NUP210L: variants seen among roughly 807,000 people sequenced by gnomAD.
NUP210L encodes nuclear pore membrane glycoprotein 210-like.
Under a neutral mutation model 208.5 loss-of-function variants are expected in NUP210L, and 74 were observed. The ratio of observed to expected loss-of-function variants is 0.35; its 90% CI spans 0.29 to 0.43. The LOEUF (loss-of-function observed/expected upper bound fraction) is 0.43. Ranked by LOEUF, NUP210L falls within the 20% of genes least tolerant of loss-of-function variation. The probability of loss-of-function intolerance (pLI) is 1.00; values close to 1 mark genes in which losing one functional copy is unlikely to be tolerated. For synonymous variants in NUP210L, 780 were observed against 816.9 expected (o/e 0.95, Z 0.77); for missense variants, 1,843 against 2,289.4 (o/e 0.81, Z 3.98).
At chr1:154,040,961 T>C (rs1652842370) in intron 27 of NUP210L, among the ~76,000 whole-genome samples, 2 of 151,950 alleles carry the variant, frequency 1.3e-5, no homozygotes, top group Non-Finnish European at 1.5e-5. Context: ...GGAAGCAGTT[T>C]CCTTTTTGTG....
rs527549831 is a variant in NUP210L at position 154,060,525 on chromosome 1, GTC to G, written c.2850+13_2850+14del. The G allele has an allele frequency of 2.6e-4, 408 of 1,544,570 alleles. No homozygotes were observed. In the African/African-American group the frequency reaches 5.1e-3, roughly 19 times the overall value. On this transcript the variant is annotated intron_variant, in intron 20 of 39. Transcript: ENST00000368559. ...GGCCTGAGACCATCAATCTGGGACT[GTC>G]TCTAGAGCTCACCTCAACAGAGCTT...
chr1:154,028,987 C>T (rs1251504948), intron 28 of NUP210L, among the ~76,000 whole-genome samples: 1 of 150,242 alleles, frequency 6.7e-6, no homozygotes, highest in African/African-American at 2.5e-5. Flanking sequence ...CCCAGCTACT[C>T]GGGAGGCTGA....
At chr1:154,128,152 G>A (rs1658076087) in intron 8 of NUP210L, among the ~76,000 whole-genome samples, 1 of 152,098 alleles carries the variant, frequency 6.6e-6, no homozygotes, top group South Asian at 2.1e-4. Flanking sequence ...ATGAACCACT[G>A]CACCCAGCTC....
chr1:154,129,073 T>C (rs191554105), intron 8 of NUP210L, among the ~76,000 whole-genome samples: 238 of 152,096 alleles, frequency 1.6e-3, no homozygotes, highest in Admixed American at 2.4e-3. Context: ...GATTTTCATA[T>C]TTTTTTCACA....
exon 16 of NUP210L, chr1:154,089,458 G>C (rs773910328): frequency 6.2e-7 from 1 of 1,614,122 alleles, no homozygotes; most frequent in South Asian, 1.1e-5. Flanking sequence ...ACATGGCTGG[G>C]CACCAGCTGG....
At chr1:154,007,776 A>T (rs1027535279) in intron 35 of NUP210L, among the ~76,000 whole-genome samples, 1 of 149,542 alleles carries the variant, frequency 6.7e-6, no homozygotes, top group Admixed American at 6.7e-5. Context: ...GGGTTTCACC[A>T]TGTTAGCCAG....
At chr1:154,109,209 T>C (rs1656921060) in intron 12 of NUP210L, among the ~76,000 whole-genome samples, 1 of 151,486 alleles carries the variant, frequency 6.6e-6, no homozygotes, top group African/African-American at 2.4e-5. Context: ...AAAGATTCCA[T>C]GCCAATGGAA....
intron 17 of NUP210L, among the ~76,000 whole-genome samples, chr1:154,062,877 G>GC (rs1249122685): frequency 1.3e-5 from 2 of 151,952 alleles, no homozygotes; most frequent in African/African-American, 4.8e-5. Flanking sequence ...ACTGCACATG[G>GC]CCTTTTTTTC....
chr1:154,155,003 C>A (rs759839846), exon 1 of NUP210L: 6 of 1,613,270 alleles, frequency 3.7e-6, no homozygotes, highest in Non-Finnish European at 4.2e-6. Context: ...AGAAAAAGAG[C>A]CCGAAGCCTC....
At chr1:154,072,427 G>T (rs1357093205) in intron 16 of NUP210L, among the ~76,000 whole-genome samples, 1 of 147,858 alleles carries the variant, frequency 6.8e-6, no homozygotes, top group Non-Finnish European at 1.5e-5. Flanking sequence ...CCACCTCCCG[G>T]GTTCATGCCA....
intron 17 of NUP210L, among the ~76,000 whole-genome samples, chr1:154,065,085 A>ATAAAT (rs1654330590): frequency 7.9e-6 from 1 of 125,814 alleles, no homozygotes; most frequent in Non-Finnish European, 1.6e-5. Flanking sequence ...CAGTAAATAA[A>ATAAAT]TAAATAAAAT....
chr1:154,135,721 A>G (rs1658500177), intron 7 of NUP210L, 93 bp downstream of exon 7: 2 of 1,213,592 alleles, frequency 1.6e-6, no homozygotes, highest in Non-Finnish European at 2.4e-6. Flanking sequence ...GCGCCCGGCC[A>G]TAATCATTCT....
chr1:154,034,843 CTT>C (rs35524701), intron 27 of NUP210L, among the ~76,000 whole-genome samples: 34,344 of 135,552 alleles, frequency 0.25, 3,955 homozygotes, highest in Admixed American at 0.35. Context: ...CTCTCTCTCT[CTT>C]TTTTTTTTTT....
At chr1:154,065,876 C>T (rs1435177443) in intron 17 of NUP210L, among the ~76,000 whole-genome samples, 2 of 108,206 alleles carry the variant, frequency 1.8e-5, no homozygotes, top group Admixed American at 2.9e-4. Flanking sequence ...CTGGGCAACA[C>T]AGTGAGACTC....
chr1:154,114,557 C>T (rs11265122), intron 12 of NUP210L, among the ~76,000 whole-genome samples: 45,937 of 151,952 alleles, frequency 0.3, 7,869 homozygotes, highest in Admixed American at 0.45. Context: ...AGGTGAATTA[C>T]GCTAAATGTA....
intron 17 of NUP210L, among the ~76,000 whole-genome samples, chr1:154,064,725 T>C (rs1383185333): frequency 3.9e-5 from 6 of 152,174 alleles, no homozygotes; most frequent in Non-Finnish European, 8.8e-5. Flanking sequence ...TTTCAATAAA[T>C]ATTTACTAAC....
chr1:154,108,634 T>C (rs1656891976), intron 12 of NUP210L, among the ~76,000 whole-genome samples: 1 of 150,956 alleles, frequency 6.6e-6, no homozygotes, highest in Non-Finnish European at 1.5e-5. Flanking sequence ...CTGGAGAAAA[T>C]CACCTTCACA....
chr1:154,018,980 C>T (rs1374735174), exon 33 of NUP210L: 1 of 1,614,098 alleles, frequency 6.2e-7, no homozygotes, highest in African/African-American at 1.3e-5. Flanking sequence ...AAAATCATTG[C>T]AGTCCCCGGA....
intron 12 of NUP210L, among the ~76,000 whole-genome samples, chr1:154,116,405 C>A (rs992466695): frequency 1.4e-5 from 2 of 147,754 alleles, no homozygotes; most frequent in Non-Finnish European, 3.0e-5. Flanking sequence ...GCCTGGGCAA[C>A]AGAGTGAGAC....
Sources: gnomAD v4.1 joint callset for allele counts (sites outside exome capture counted in the v4.1 genomes callset) on GRCh38, gnomAD v4.1.1 for gene constraint, MANE v1.5 for transcripts, NCBI Gene and HGNC (gene_info 2026-07-23, HGNC 2026-07-21) for gene names.